DGKB: variants seen among roughly 807,000 people sequenced by gnomAD.
The protein encoded by DGKB is 90 kDa diacylglycerol kinase.
A neutral mutation model predicts 114.3 loss-of-function variants in DGKB; 67 were observed. The observed-to-expected ratio is 0.59, with a 90% CI of 0.48 to 0.72. The LOEUF is 0.72. Among genes scored for constraint, DGKB ranks in the 30% least tolerant of loss-of-function variants. The probability of loss-of-function intolerance (pLI) is 0.00; values close to 1 mark genes in which losing one functional copy is unlikely to be tolerated. For missense variants in DGKB, 907 were observed against 975.2 expected, an observed-to-expected ratio of 0.93 and a Z score of 0.93; for synonymous variants, 398 against 323.1, an observed-to-expected ratio of 1.23 and a Z score of -2.49.
chr7:14,847,095 C>T (rs977062810), intron 1 of DGKB, among the ~76,000 whole-genome samples: 1 of 151,996 alleles, frequency 6.6e-6, no homozygotes, highest in Admixed American at 6.6e-5. Flanking sequence ...TCGAGACCAT[C>T]CTGGCTAACA....
At chr7:14,819,690 G>C (rs757317905) in intron 2 of DGKB, among the ~76,000 whole-genome samples, 9 of 152,102 alleles carry the variant, frequency 5.9e-5, no homozygotes, top group Non-Finnish European at 1.3e-4. Flanking sequence ...TGAAAAATCT[G>C]AGACACAGAG....
intron 5 of DGKB, among the ~76,000 whole-genome samples, chr7:14,723,678 T>C (rs1019170261): frequency 6.6e-6 from 1 of 152,102 alleles, no homozygotes; most frequent in Non-Finnish European, 1.5e-5. Flanking sequence ...AGCGTATTAG[T>C]CTTTTAGGAA....
intron 23 of DGKB, among the ~76,000 whole-genome samples, chr7:14,188,311 C>A (rs1783754535): frequency 1.3e-5 from 2 of 151,954 alleles, no homozygotes; most frequent in Non-Finnish European, 2.9e-5. Context: ...GAAATAATAG[C>A]TGAAAAATTC....
At chr7:14,877,474 G>A (rs1466620886) in intron 1 of DGKB, among the ~76,000 whole-genome samples, 1 of 152,174 alleles carries the variant, frequency 6.6e-6, no homozygotes, top group East Asian at 1.9e-4. Context: ...AGAATCCCTT[G>A]AACCCAGGAG....
intron 23 of DGKB, among the ~76,000 whole-genome samples, chr7:14,300,270 C>G (rs905795940): frequency 2.4e-4 from 36 of 152,082 alleles, no homozygotes; most frequent in African/African-American, 8.4e-4. Flanking sequence ...CCTCATTTTT[C>G]CTATTTCATT....
At chr7:14,818,566 G>A (rs540229867) in intron 2 of DGKB, among the ~76,000 whole-genome samples, 1 of 152,196 alleles carries the variant, frequency 6.6e-6, no homozygotes, top group East Asian at 1.9e-4. Context: ...TCTGAGTAGA[G>A]GACATGAAGA....
chr7:14,483,248 T>A (rs1783261797), intron 20 of DGKB, among the ~76,000 whole-genome samples: 4 of 152,158 alleles, frequency 2.6e-5, no homozygotes, highest in Admixed American at 1.3e-4. Flanking sequence ...CACTTTCTTT[T>A]TGCGGGAATA....
intron 20 of DGKB, among the ~76,000 whole-genome samples, chr7:14,556,050 T>G (rs2128656610): frequency 6.6e-6 from 1 of 152,132 alleles, no homozygotes; most frequent in Middle Eastern, 3.4e-3. Flanking sequence ...TTTTTCTAAT[T>G]AATTATTTCT....
intron 23 of DGKB, among the ~76,000 whole-genome samples, chr7:14,246,484 C>T (rs530281675): frequency 2.6e-5 from 4 of 152,186 alleles, no homozygotes; most frequent in Admixed American, 2.0e-4. Flanking sequence ...ATTGGGCTGA[C>T]AATACTTAAA....
At chr7:14,480,844 G>T (rs1046711355) in intron 20 of DGKB, among the ~76,000 whole-genome samples, 5 of 151,962 alleles carry the variant, frequency 3.3e-5, no homozygotes, top group Middle Eastern at 3.4e-3. Context: ...ATAGCAATTG[G>T]AACAGTATTC....
intron 6 of DGKB, among the ~76,000 whole-genome samples, chr7:14,703,604 A>G (rs571904108): frequency 6.6e-6 from 1 of 152,330 alleles, no homozygotes; most frequent in South Asian, 2.1e-4. Flanking sequence ...GACCTAAGCA[A>G]AAGAAGCTTG....
intron 20 of DGKB, among the ~76,000 whole-genome samples, chr7:14,535,148 T>C (rs1452263128): frequency 6.6e-6 from 1 of 152,070 alleles, no homozygotes; most frequent in Admixed American, 6.6e-5. Context: ...AGTAGCAGGA[T>C]TGTTAAGACA....
intron 20 of DGKB, among the ~76,000 whole-genome samples, chr7:14,521,108 T>C (rs1410672575): frequency 6.6e-6 from 1 of 152,108 alleles, no homozygotes; most frequent in Admixed American, 6.6e-5. Flanking sequence ...AAAGAGTTAT[T>C]TTTATGTTGC....
intron 23 of DGKB, among the ~76,000 whole-genome samples, chr7:14,202,775 C>T (rs1415531732): frequency 6.6e-6 from 1 of 151,882 alleles, no homozygotes; most frequent in Non-Finnish European, 1.5e-5. Flanking sequence ...CTGTAAGATG[C>T]CAATCATATT....
chr7:14,388,104 C>G (rs1168396069), intron 21 of DGKB, among the ~76,000 whole-genome samples: 1 of 151,230 alleles, frequency 6.6e-6, no homozygotes, highest in Non-Finnish European at 1.5e-5. Context: ...GTCTTGAACT[C>G]CTGACCTTGT....
chr7:14,696,157 CA>C (rs1823842930), intron 8 of DGKB, among the ~76,000 whole-genome samples: 1 of 152,116 alleles, frequency 6.6e-6, no homozygotes, highest in South Asian at 2.1e-4. Context: ...ACACACACAC[CA>C]AAAATGCTTT....
intron 20 of DGKB, among the ~76,000 whole-genome samples, chr7:14,570,631 AAG>A (rs1214435712): frequency 2.0e-5 from 3 of 152,176 alleles, no homozygotes; most frequent in Non-Finnish European, 4.4e-5. Flanking sequence ...AATTATAAGA[AAG>A]AGAAAATATA....
At chr7:14,299,320 T>G (rs944772509) in intron 23 of DGKB, among the ~76,000 whole-genome samples, 1 of 152,116 alleles carries the variant, frequency 6.6e-6, no homozygotes, top group Non-Finnish European at 1.5e-5. Context: ...AATGCCTAGA[T>G]AGAAAAGCCT....
At chr7:14,593,834 A>AAAC (rs1430007801) in intron 17 of DGKB, among the ~76,000 whole-genome samples, 2 of 151,462 alleles carry the variant, frequency 1.3e-5, no homozygotes, top group African/African-American at 4.9e-5. Context: ...AAAAGAAAAA[A>AAAC]ACAACACAGG....
Sources: allele counts gnomAD v4.1 joint callset (sites outside exome capture counted in the v4.1 genomes callset), GRCh38; gene constraint gnomAD v4.1.1; transcripts MANE v1.5; gene names NCBI Gene and HGNC (gene_info 2026-07-23, HGNC 2026-07-21).